Variants in PGR observed in about 807,000 individuals in gnomAD.
PGR encodes the protein nuclear receptor subfamily 3 group C member 3.
Under a neutral mutation model 76.1 loss-of-function variants are expected in PGR, and 25 were observed. The observed-to-expected ratio is 0.33, with a 90% CI of 0.24 to 0.46. The LOEUF is 0.46. PGR is among the 20% of genes least tolerant of loss of function. PGR has a pLI of 1.00. For synonymous variants in PGR, 579 were observed against 535.0 expected, an observed-to-expected ratio of 1.08 and a Z score of -1.14; for missense variants, 1,172 against 1,225.3, an observed-to-expected ratio of 0.96 and a Z score of 0.65.
intron 3 of PGR, among the ~76,000 whole-genome samples, chr11:101,088,588 TC>T (rs1389318767): frequency 5.9e-5 from 9 of 152,114 alleles, no homozygotes; most frequent in African/African-American, 1.9e-4. Context: ...TGCGTTGGCC[TC>T]CCAAAGTGCT....
chr11:101,050,928 C>A, intron 5 of PGR: 1 of 252,370 alleles, frequency 4.0e-6, no homozygotes, highest in South Asian at 4.1e-5. Flanking sequence ...GCATTTACCA[C>A]TAGAACAATA....
At position 101,067,845 on chromosome 11, in the gene PGR, T is replaced by C. The variant is rs551620605; in HGVS notation, c.1907-5093A>G. Among the ~76,000 whole-genome samples, 4 of 152,164 alleles carry C rather than the reference T, an allele frequency of 2.6e-5. No homozygotes were observed. In the East Asian group the frequency reaches 7.7e-4, roughly 29 times the overall value. On this transcript the variant is annotated intron_variant, in intron 3 of 7. Transcript: ENST00000325455. The stretch of plus-strand genomic sequence containing the variant: ...TATTAGGCAGTAAGATCAAATTGCA[T>C]AAATATACATAGCATTTCTATGGAG...
chr11:101,116,173 T>A (rs1452987814), intron 2 of PGR, among the ~76,000 whole-genome samples: 2 of 152,234 alleles, frequency 1.3e-5, no homozygotes, highest in Non-Finnish European at 2.9e-5. Context: ...TGAGGAATTG[T>A]GGGCCTGTGT....
At chr11:101,043,602 CT>C in intron 6 of PGR, among the ~76,000 whole-genome samples, 1 of 152,138 alleles carries the variant, frequency 6.6e-6, no homozygotes, top group Non-Finnish European at 1.5e-5. Flanking sequence ...AGAGGAAACA[CT>C]ATCTATGGCA....
intron 3 of PGR, among the ~76,000 whole-genome samples, chr11:101,072,513 A>G (rs1565344466): frequency 3.3e-5 from 5 of 152,364 alleles, no homozygotes; most frequent in Admixed American, 2.6e-4. Context: ...AAATGCCCCA[A>G]TTAAAAGACA....
chr11:101,093,947 C>T (rs1424745326), intron 2 of PGR, among the ~76,000 whole-genome samples: 1 of 152,190 alleles, frequency 6.6e-6, no homozygotes, highest in Non-Finnish European at 1.5e-5. Context: ...ACGATATCAT[C>T]TCCTTATTCA....
At chr11:101,075,231 A>G (rs893920543) in intron 3 of PGR, among the ~76,000 whole-genome samples, 2 of 152,212 alleles carry the variant, frequency 1.3e-5, no homozygotes, top group African/African-American at 2.4e-5. Flanking sequence ...AGGATTCCCT[A>G]TTTAATAAAT....
intron 3 of PGR, among the ~76,000 whole-genome samples, chr11:101,086,307 G>T (rs575392456): frequency 2.0e-5 from 3 of 149,572 alleles, no homozygotes; most frequent in African/African-American, 7.3e-5. Flanking sequence ...CAATAAATAT[G>T]ATTTACCACA....
At position 101,031,930 on chromosome 11, in the gene PGR, T is replaced by A; in HGVS notation, c.*7186A>T. ...TCTCATTTTCTGAAACTTGAACTGC[T>A]CTAGTCTTACCCGTGTGTATAGACC... On this transcript the variant is annotated 3_prime_UTR_variant, in exon 8 of 8. Coordinates refer to ENST00000325455, the MANE Select transcript of PGR (RefSeq NM_000926.4). 4.3e-6 allele frequency: 1 copy of A among 231,676 alleles called. No individual in the cohort carries two copies. Among genetic ancestry groups the A allele is most frequent in the Non-Finnish European group, 8.5e-6 (1 of 117,068 alleles). 14.4% of individuals were successfully genotyped at this position (231,676 alleles called of 1,614,324 possible).
chr11:101,048,137 C>T, intron 6 of PGR, among the ~76,000 whole-genome samples: 1 of 152,114 alleles, frequency 6.6e-6, no homozygotes, highest in East Asian at 1.9e-4. Context: ...TAGAAGGAGC[C>T]TGGGTGTTTC....
At chr11:101,094,308 A>G (rs1175641958) in intron 2 of PGR, among the ~76,000 whole-genome samples, 1 of 152,188 alleles carries the variant, frequency 6.6e-6, no homozygotes, top group Non-Finnish European at 1.5e-5. Flanking sequence ...ATGGCTTAAC[A>G]TCATCAAATA....
chr11:101,094,048 TTCC>T (rs920297838), intron 2 of PGR, among the ~76,000 whole-genome samples: 5 of 152,140 alleles, frequency 3.3e-5, no homozygotes, highest in African/African-American at 7.2e-5. Flanking sequence ...CTCCATCAAT[TTCC>T]TCCTTTCTCT....
intron 4 of PGR, among the ~76,000 whole-genome samples, chr11:101,053,968 C>A (rs1012312277): frequency 8.5e-5 from 13 of 152,102 alleles, no homozygotes; most frequent in Non-Finnish European, 1.6e-4. Flanking sequence ...GCCCATGGAA[C>A]ATATACTAAC....
At chr11:101,089,185 T>C (rs1454018892) in intron 3 of PGR, among the ~76,000 whole-genome samples, 1 of 152,014 alleles carries the variant, frequency 6.6e-6, no homozygotes, top group Non-Finnish European at 1.5e-5. Flanking sequence ...AAATAAAAGC[T>C]GAAAAAATAA....
intron 2 of PGR, among the ~76,000 whole-genome samples, chr11:101,101,456 G>T (rs1259518345): frequency 6.6e-6 from 1 of 152,148 alleles, no homozygotes; most frequent in Non-Finnish European, 1.5e-5. Context: ...TCTTGGAAGA[G>T]AGAGAGAACT....
intron 6 of PGR, among the ~76,000 whole-genome samples, chr11:101,045,795 T>C (rs1387082738): frequency 2.0e-5 from 3 of 152,154 alleles, no homozygotes; most frequent in Non-Finnish European, 4.4e-5. Context: ...TGAATACTGC[T>C]GTAATAAACA....
chr11:101,059,395 G>A (rs372157296), intron 4 of PGR, among the ~76,000 whole-genome samples: 2 of 151,936 alleles, frequency 1.3e-5, no homozygotes, highest in South Asian at 4.2e-4. Flanking sequence ...TTCAAATATC[G>A]TGTTGCTCTA....
intron 2 of PGR, among the ~76,000 whole-genome samples, chr11:101,095,651 T>C (rs900230893): frequency 3.3e-5 from 5 of 152,200 alleles, no homozygotes; most frequent in African/African-American, 1.2e-4. Flanking sequence ...TCTCATCACT[T>C]AGTAGCTAGA....
intron 6 of PGR, among the ~76,000 whole-genome samples, chr11:101,045,784 G>A (rs1269527395): frequency 6.6e-6 from 1 of 151,912 alleles, no homozygotes; most frequent in East Asian, 1.9e-4. Flanking sequence ...CTTTGCTATA[G>A]TGAATACTGC....
Sources: gnomAD v4.1 joint callset for allele counts (sites outside exome capture counted in the v4.1 genomes callset) on GRCh38, gnomAD v4.1.1 for gene constraint, MANE v1.5 for transcripts, NCBI Gene and HGNC (gene_info 2026-07-23, HGNC 2026-07-21) for gene names.